ENTHD1: variants seen among roughly 807,000 people sequenced by gnomAD.
ENTHD1 encodes the protein ENTH domain containing 1.
A neutral mutation model predicts 39.1 loss-of-function variants in ENTHD1; 23 were observed. The ratio of observed to expected loss-of-function variants is 0.59; its 90% CI spans 0.42 to 0.83. The LOEUF (loss-of-function observed/expected upper bound fraction) is 0.83. ENTHD1 is among the 40% of genes least tolerant of loss of function. The probability of loss-of-function intolerance (pLI) is 0.00; values close to 1 mark genes in which losing one functional copy is unlikely to be tolerated. For synonymous variants in ENTHD1, 230 were observed against 258.2 expected, an observed-to-expected ratio of 0.89 and a Z score of 1.05; for missense variants, 624 against 705.4, an observed-to-expected ratio of 0.88 and a Z score of 1.31.
At chr22:39,769,958 C>A (rs1013008531) in intron 5 of ENTHD1, among the ~76,000 whole-genome samples, 4 of 152,132 alleles carry the variant, frequency 2.6e-5, no homozygotes, top group Non-Finnish European at 5.9e-5. Flanking sequence ...GAATTGGGGA[C>A]TGGGTATCTT....
chr22:39,826,712 T>C lies in ENTHD1; in HGVS notation c.712-5599A>G, dbSNP rs371932422. ...AATGTAGATTGATTGATTGTAAAAA[T>C]TTGACACTCTGATGTAGGATGTTGG... On this transcript the variant is annotated intron_variant, in intron 4 of 6. Coordinates refer to ENST00000325157, the MANE Select transcript of ENTHD1 (RefSeq NM_152512.4). Among the ~76,000 whole-genome samples the C allele has an allele frequency of 6.6e-5, 10 of 152,034 alleles. No homozygotes were observed. The South Asian group carries it at 1.7e-3, about 25-fold the overall frequency.
intron 2 of ENTHD1, among the ~76,000 whole-genome samples, chr22:39,882,001 C>T (rs958410842): frequency 6.6e-6 from 1 of 152,196 alleles, no homozygotes; most frequent in Non-Finnish European, 1.5e-5. Flanking sequence ...ATAGATTACT[C>T]GGACCAAATA....
At chr22:39,761,521 G>C (rs1028522188) in intron 6 of ENTHD1, among the ~76,000 whole-genome samples, 1 of 151,888 alleles carries the variant, frequency 6.6e-6, no homozygotes, top group Non-Finnish European at 1.5e-5. Context: ...GATTTTTTCT[G>C]ACCCCTATGT....
intron 5 of ENTHD1, among the ~76,000 whole-genome samples, chr22:39,773,388 T>C (rs911650974): frequency 6.6e-6 from 1 of 152,178 alleles, no homozygotes; most frequent in Non-Finnish European, 1.5e-5. Flanking sequence ...TGCTGGACCA[T>C]AAACCAAGTC....
intron 1 of ENTHD1, among the ~76,000 whole-genome samples, chr22:39,888,668 C>A (rs2066403171): frequency 6.6e-6 from 1 of 152,074 alleles, no homozygotes; most frequent in Admixed American, 6.6e-5. Flanking sequence ...CCTTGTGATC[C>A]TTCCACCTCA....
chr22:39,890,183 G>T (rs1270965201), intron 1 of ENTHD1, among the ~76,000 whole-genome samples: 1 of 151,566 alleles, frequency 6.6e-6, no homozygotes, highest in Non-Finnish European at 1.5e-5. Context: ...GTTTAATTAA[G>T]ATTTCTCAGA....
At chr22:39,844,521 A>G (rs10427867) in intron 3 of ENTHD1, among the ~76,000 whole-genome samples, 14,374 of 152,186 alleles carry the variant, frequency 0.094, 759 homozygotes, top group African/African-American at 0.13. Flanking sequence ...AGATAGCAAA[A>G]TGAAACTGCA....
chr22:39,813,586 G>A (rs985780854), intron 5 of ENTHD1, among the ~76,000 whole-genome samples: 3 of 152,126 alleles, frequency 2.0e-5, no homozygotes, highest in Non-Finnish European at 2.9e-5. Context: ...GTTAAGGAAC[G>A]GAGAGCTGCA....
intron 5 of ENTHD1, among the ~76,000 whole-genome samples, chr22:39,811,059 T>C (rs1003616771): frequency 3.3e-5 from 5 of 152,194 alleles, no homozygotes; most frequent in African/African-American, 1.2e-4. Flanking sequence ...GCTACATGTA[T>C]GTAGAAGGTG....
intron 4 of ENTHD1, among the ~76,000 whole-genome samples, chr22:39,826,007 C>T (rs903355408): frequency 2.2e-4 from 33 of 152,224 alleles, no homozygotes; most frequent in African/African-American, 7.5e-4. Context: ...TCTTGAGTAG[C>T]TGGGACTATA....
intron 4 of ENTHD1, among the ~76,000 whole-genome samples, chr22:39,831,791 A>T (rs1240076235): frequency 1.3e-5 from 2 of 152,064 alleles, no homozygotes; most frequent in Non-Finnish European, 2.9e-5. Flanking sequence ...ATGCCACTAC[A>T]CTCCAGCCTG....
rs144618065 is a variant in ENTHD1 at position 39,748,512 on chromosome 22, C to T, written c.1220-4229G>A. 3.9e-3 allele frequency among the ~76,000 whole-genome samples: 596 copies of T among 151,896 alleles called. 24 individuals are homozygous for T. In the East Asian group the frequency reaches 0.083, roughly 21 times the overall value. ...TCTTGGCTCACTGCAAGCTCTGCCT[C>T]CAGGTTCACACCATTCTTCTGCCTC... On this transcript the variant is annotated intron_variant, in intron 6 of 6. Transcript: ENST00000325157.
At position 39,848,484 on chromosome 22, in the gene ENTHD1, C is replaced by T. The variant is rs565787841; in HGVS notation, c.593-12526G>A. 4.2e-4 allele frequency among the ~76,000 whole-genome samples: 64 copies of T among 152,234 alleles called. No individual in the cohort carries two copies. The South Asian group carries it at 7.1e-3, about 17-fold the overall frequency. Reference sequence around the variant, plus strand: ...GGCCAGGATGGTCTCAATCTCCTGACCTCATGATCCACCTACCTTGGCCTC... The same window carrying T: ...GGCCAGGATGGTCTCAATCTCCTGATCTCATGATCCACCTACCTTGGCCTC... On this transcript the variant is annotated intron_variant, in intron 3 of 6. Transcript: ENST00000325157.
intron 5 of ENTHD1, among the ~76,000 whole-genome samples, chr22:39,803,082 C>T (rs148415331): frequency 5.3e-5 from 8 of 152,168 alleles, no homozygotes; most frequent in Non-Finnish European, 1.2e-4. Flanking sequence ...TATCCCTCCT[C>T]TGCTTCTTAT....
chr22:39,853,260 A>C (rs781614281), intron 3 of ENTHD1, among the ~76,000 whole-genome samples: 1 of 152,192 alleles, frequency 6.6e-6, no homozygotes, highest in Admixed American at 6.5e-5. Flanking sequence ...CAAAAATTTC[A>C]CCAAACTTAA....
intron 5 of ENTHD1, among the ~76,000 whole-genome samples, chr22:39,782,418 A>T (rs967389896): frequency 6.7e-6 from 1 of 149,062 alleles, no homozygotes; most frequent in African/African-American, 2.5e-5. Flanking sequence ...TCAAACTCTT[A>T]AAAAAAAAAC....
intron 1 of ENTHD1, among the ~76,000 whole-genome samples, chr22:39,891,748 A>T (rs762700796): frequency 4.0e-5 from 6 of 151,842 alleles, no homozygotes; most frequent in Non-Finnish European, 8.8e-5. Context: ...CCTCCCAAGT[A>T]GCTGGGACTG....
At chr22:39,789,915 T>C (rs1250445128) in intron 5 of ENTHD1, among the ~76,000 whole-genome samples, 1 of 151,986 alleles carries the variant, frequency 6.6e-6, no homozygotes, top group South Asian at 2.1e-4. Context: ...TGTTAAGGTG[T>C]CATTTGAGCA....
At chr22:39,824,642 A>G (rs1351554874) in intron 4 of ENTHD1, among the ~76,000 whole-genome samples, 1 of 152,194 alleles carries the variant, frequency 6.6e-6, no homozygotes, top group Non-Finnish European at 1.5e-5. Context: ...TGAATGTCCA[A>G]TGCTGTAGCA....
Sources: allele counts gnomAD v4.1 joint callset (sites outside exome capture counted in the v4.1 genomes callset), GRCh38; gene constraint gnomAD v4.1.1; transcripts MANE v1.5; gene names NCBI Gene and HGNC (gene_info 2026-07-23, HGNC 2026-07-21).